The following EPHA6 variants were observed in gnomAD, a reference collection of about 807,000 sequenced individuals.
EPHA6 encodes EPH receptor A6.
A neutral mutation model predicts 112.0 loss-of-function variants in EPHA6; 50 were observed. The ratio of observed to expected loss-of-function variants is 0.45; its 90% CI spans 0.36 to 0.56. The LOEUF is 0.56. Ranked by LOEUF, EPHA6 falls within the 20% of genes least tolerant of loss-of-function variation. The pLI, the probability that EPHA6 is intolerant of heterozygous loss-of-function variation, is 0.00. For missense variants in EPHA6, 1,280 were observed against 1,417.4 expected, an observed-to-expected ratio of 0.90 and a Z score of 1.56; for synonymous variants, 529 against 490.7, an observed-to-expected ratio of 1.08 and a Z score of -1.03.
chr3:97,654,567 T>C (rs1037856213), intron 14 of EPHA6, among the ~76,000 whole-genome samples: 2 of 152,004 alleles, frequency 1.3e-5, no homozygotes, highest in African/African-American at 4.8e-5. Context: ...AGTAAATATT[T>C]CTTTAATAAG....
chr3:97,726,666 G>A (rs913421602), intron 15 of EPHA6, among the ~76,000 whole-genome samples: 2 of 152,088 alleles, frequency 1.3e-5, no homozygotes, highest in East Asian at 1.9e-4. Context: ...AGGTATTTCA[G>A]GGTAATGTTT....
chr3:97,564,643 T>A (rs1465512777), intron 11 of EPHA6, among the ~76,000 whole-genome samples: 1 of 152,128 alleles, frequency 6.6e-6, no homozygotes, highest in African/African-American at 2.4e-5. Flanking sequence ...CCAACATTTT[T>A]TTTTCCTAAA....
intron 5 of EPHA6, among the ~76,000 whole-genome samples, chr3:97,253,594 G>A (rs1427198999): frequency 6.6e-6 from 1 of 152,026 alleles, no homozygotes; most frequent in East Asian, 1.9e-4. Flanking sequence ...TATTTCCTAA[G>A]TAATCTTTTA....
At chr3:96,823,220 A>G (rs1310866033) in intron 1 of EPHA6, among the ~76,000 whole-genome samples, 1 of 151,794 alleles carries the variant, frequency 6.6e-6, no homozygotes, top group African/African-American at 2.4e-5. Context: ...GTAGAGGCCA[A>G]TAAATTAGTT....
chr3:97,089,920 C>T (rs1000683151), intron 3 of EPHA6, among the ~76,000 whole-genome samples: 1 of 152,038 alleles, frequency 6.6e-6, no homozygotes, highest in African/African-American at 2.4e-5. Flanking sequence ...ATTATTTTCA[C>T]CACTTCCTGA....
chr3:97,473,928 A>T (rs189397572), intron 7 of EPHA6, among the ~76,000 whole-genome samples: 2 of 151,980 alleles, frequency 1.3e-5, no homozygotes, highest in African/African-American at 4.8e-5. Context: ...ATAGTGACTA[A>T]GTTCTAATTC....
chr3:97,366,378 T>C (rs921783666), intron 5 of EPHA6, among the ~76,000 whole-genome samples: 6 of 151,620 alleles, frequency 4.0e-5, no homozygotes, highest in Non-Finnish European at 8.8e-5. Context: ...CACAATGCCC[T>C]AAGTCAATCC....
At chr3:97,069,012 G>A (rs980038676) in intron 3 of EPHA6, among the ~76,000 whole-genome samples, 4 of 152,036 alleles carry the variant, frequency 2.6e-5, no homozygotes, top group African/African-American at 9.7e-5. Context: ...ATACACACAC[G>A]CACACATACG....
chr3:97,127,519 G>A (rs1042149520), intron 3 of EPHA6, among the ~76,000 whole-genome samples: 3 of 151,916 alleles, frequency 2.0e-5, no homozygotes, highest in African/African-American at 2.4e-5. Context: ...TAGGAGTTCC[G>A]AGACCAGCCC....
intron 5 of EPHA6, among the ~76,000 whole-genome samples, chr3:97,373,596 C>T (rs2085188295): frequency 6.6e-6 from 1 of 151,988 alleles, no homozygotes; most frequent in Admixed American, 6.6e-5. Context: ...AATTCATCAG[C>T]CATAAAGTCA....
intron 11 of EPHA6, among the ~76,000 whole-genome samples, chr3:97,581,335 T>C (rs1419373348): frequency 2.0e-5 from 3 of 152,242 alleles, no homozygotes; most frequent in Non-Finnish European, 4.4e-5. Context: ...GTCATTTTAC[T>C]TTTAGAAGTT....
chr3:97,114,466 C>T (rs534506111), intron 3 of EPHA6, among the ~76,000 whole-genome samples: 3 of 152,038 alleles, frequency 2.0e-5, no homozygotes, highest in South Asian at 2.1e-4. Flanking sequence ...AAAATCTTAC[C>T]GCACTCAAGA....
intron 14 of EPHA6, among the ~76,000 whole-genome samples, chr3:97,712,019 T>TTA: frequency 6.6e-6 from 1 of 152,352 alleles, no homozygotes. Context: ...CTGTCAAATG[T>TTA]TATATATCTG....
At chr3:97,629,466 A>G (rs301930) in intron 13 of EPHA6, among the ~76,000 whole-genome samples, 146,147 of 152,012 alleles carry the variant, frequency 0.96, 70,747 homozygotes, top group Middle Eastern at 0.99. Context: ...TTAGGAGTTT[A>G]AGCAGCAATA....
chr3:97,064,760 A>G (rs917477524), intron 3 of EPHA6, among the ~76,000 whole-genome samples: 3 of 151,992 alleles, frequency 2.0e-5, no homozygotes, highest in Non-Finnish European at 2.9e-5. Flanking sequence ...TGCTTTTCCT[A>G]TTTATATGTG....
At chr3:97,100,386 ACATAATAATAACAAT>A (rs6147970) in intron 3 of EPHA6, among the ~76,000 whole-genome samples, 31,898 of 151,540 alleles carry the variant, frequency 0.21, 4,773 homozygotes, top group African/African-American at 0.4. Flanking sequence ...TAACAAAGAG[ACATAATAATAACAAT>A]CATATTTTGA....
chr3:97,670,417 A>G (rs2030690481), intron 14 of EPHA6, among the ~76,000 whole-genome samples: 1 of 152,224 alleles, frequency 6.6e-6, no homozygotes, highest in Admixed American at 6.5e-5. Flanking sequence ...TACTCAGGTC[A>G]AAAAAGACTT....
At chr3:97,038,873 T>A (rs1381768190) in intron 3 of EPHA6, among the ~76,000 whole-genome samples, 1 of 152,074 alleles carries the variant, frequency 6.6e-6, no homozygotes. Context: ...TCTGATTTCC[T>A]TCCTGTGTGT....
intron 5 of EPHA6, among the ~76,000 whole-genome samples, chr3:97,340,249 T>A (rs1482981385): frequency 6.6e-6 from 1 of 152,140 alleles, no homozygotes; most frequent in Non-Finnish European, 1.5e-5. Flanking sequence ...TTCCTGTGGC[T>A]TTTGTACTCC....
Sources: allele counts gnomAD v4.1 joint callset (sites outside exome capture counted in the v4.1 genomes callset), GRCh38; gene constraint gnomAD v4.1.1; transcripts MANE v1.5; gene names NCBI Gene and HGNC (gene_info 2026-07-23, HGNC 2026-07-21).